The following LMBR1 variants were observed in gnomAD, a reference collection of about 807,000 sequenced individuals.
LMBR1 encodes limb region 1 protein homolog.
A neutral mutation model predicts 73.9 loss-of-function variants in LMBR1; 52 were observed. That is an observed-to-expected ratio of 0.70 (90% confidence interval 0.56 to 0.89). The LOEUF is 0.89. Among genes scored for constraint, LMBR1 ranks in the 40% least tolerant of loss-of-function variants. The probability of loss-of-function intolerance (pLI) is 0.00; values close to 1 mark genes in which losing one functional copy is unlikely to be tolerated. For synonymous variants in LMBR1, 215 were observed against 209.4 expected (o/e 1.03, Z -0.23); for missense variants, 539 against 579.8 (o/e 0.93, Z 0.72).
chr7:156,806,621 T>C (rs1223419218), intron 4 of LMBR1, among the ~76,000 whole-genome samples: 1 of 137,602 alleles, frequency 7.3e-6, no homozygotes, highest in Non-Finnish European at 1.6e-5. Context: ...TTTTTTTTTT[T>C]TTTTTTGAGA....
At position 156,751,316 on chromosome 7, in the gene LMBR1, G is replaced by A. The variant is rs994677179; in HGVS notation, c.757+5077C>T. Among the ~76,000 whole-genome samples the A allele has an allele frequency of 3.9e-5, 6 of 152,270 alleles. No individual in the cohort carries two copies. The East Asian group carries it at 5.8e-4, about 15-fold the overall frequency. Reference sequence around the variant, plus strand: ...ACTCCAGAGTGGGGGAAAGCTCCACGAAAGGGTATTTAGGTAAAGACCTGG... The same window carrying A: ...ACTCCAGAGTGGGGGAAAGCTCCACAAAAGGGTATTTAGGTAAAGACCTGG... On this transcript the variant is annotated intron_variant, in intron 9 of 16. Transcript: ENST00000353442.
chr7:156,805,656 A>G (rs1335962271), intron 4 of LMBR1, among the ~76,000 whole-genome samples: 2 of 152,218 alleles, frequency 1.3e-5, no homozygotes, highest in African/African-American at 4.8e-5. Flanking sequence ...TCAGCTTGTC[A>G]ATTTCTACAA....
chr7:156,731,572 T>C (rs911402172), intron 10 of LMBR1, among the ~76,000 whole-genome samples: 1 of 152,192 alleles, frequency 6.6e-6, no homozygotes, highest in African/African-American at 2.4e-5. Context: ...TAGAACAACA[T>C]CTTTCCAATG....
At position 156,826,714 on chromosome 7, in the gene LMBR1, C is replaced by G. The variant is rs1835763806; in HGVS notation, c.210G>C (p.Val70=). The change falls in exon 4 of 17, where the codon GTG becomes GTC. Residue 70 remains valine, a synonymous_variant. Coordinates refer to ENST00000353442, the MANE Select transcript of LMBR1 (RefSeq NM_022458.4). ...SLFLSTFTLA[V]SAGAVLLLPF... Reference sequence around the variant, plus strand: ...GTAAAAGCAAAACAGCCCCAGCTGACACTGCGAGAGTGAACGTGCTCAAAA... The same window carrying G: ...GTAAAAGCAAAACAGCCCCAGCTGAGACTGCGAGAGTGAACGTGCTCAAAA... 2 of 1,611,858 alleles carry G rather than the reference C, an allele frequency of 1.2e-6. No homozygotes were observed. The highest frequency in any genetic ancestry group is 1.7e-6 in the Non-Finnish European group (2 of 1,178,720).
At chr7:156,740,394 CAAG>C (rs1361815734) in intron 9 of LMBR1, among the ~76,000 whole-genome samples, 1 of 152,056 alleles carries the variant, frequency 6.6e-6, no homozygotes, top group African/African-American at 2.4e-5. Context: ...CATTTAAGAA[CAAG>C]AAGGTTATAG....
chr7:156,758,137 G>A lies in LMBR1; in HGVS notation c.685-1672C>T, dbSNP rs368136558. Among the ~76,000 whole-genome samples the A allele has an allele frequency of 2.6e-5, 4 of 152,270 alleles. No homozygotes were observed. The East Asian group carries it at 5.8e-4, about 22-fold the overall frequency. On this transcript the variant is annotated intron_variant, in intron 8 of 16. Coordinates refer to ENST00000353442, the MANE Select transcript of LMBR1 (RefSeq NM_022458.4). ...AAGTGCTGGAATGTGAGCTACTCCC[G>A]AGGAGAAAGAGTGGTACACGGAGAG...
At position 156,670,826 on chromosome 7, in the gene LMBR1, GA is replaced by G. The variant is rs1416884448; in HGVS notation, n.867-1540del. On this transcript the variant is annotated intron_variant and non_coding_transcript_variant, in intron 4 of 4. Transcript: ENST00000430825. The surrounding 1 kb of genome is among the most constrained non-coding windows in gnomAD (Gnocchi z 4.3). ...TGCCACTAGAACGTCTTCGTTAAAG[GA>G]AATTCTAAAGGATGCCTTGCATGAG... 1.3e-5 allele frequency among the ~76,000 whole-genome samples: 2 copies of G among 152,216 alleles called. No individual in the cohort carries two copies. The highest frequency in any genetic ancestry group is 4.1e-4 in the South Asian group (2 of 4,826).
At chr7:156,744,349 T>A (rs1433362268) in intron 9 of LMBR1, among the ~76,000 whole-genome samples, 1 of 152,132 alleles carries the variant, frequency 6.6e-6, no homozygotes, top group Non-Finnish European at 1.5e-5. Context: ...AGGGCTTTTT[T>A]TTTTTTCCAT....
chr7:156,728,081 A>G, intron 11 of LMBR1, 74 bp from the exon 12 acceptor site: 3 of 1,164,484 alleles, frequency 2.6e-6, no homozygotes, highest in Non-Finnish European at 2.5e-6. Context: ...TAGGTAACCA[A>G]ATACACGTTT....
chr7:156,856,109 G>A (rs371864306), intron 1 of LMBR1, among the ~76,000 whole-genome samples: 1 of 151,952 alleles, frequency 6.6e-6, no homozygotes, highest in African/African-American at 2.4e-5. Context: ...GCAGGAGAAT[G>A]GCGTGAACCT....
At chr7:156,734,958 T>C (rs1321561938) in intron 9 of LMBR1, among the ~76,000 whole-genome samples, 1 of 152,230 alleles carries the variant, frequency 6.6e-6, no homozygotes, top group Non-Finnish European at 1.5e-5. Flanking sequence ...TTTGCTTTCC[T>C]AGTCAATTAT....
chr7:156,711,820 C>T (rs555595267), intron 15 of LMBR1, among the ~76,000 whole-genome samples: 1 of 151,962 alleles, frequency 6.6e-6, no homozygotes, highest in Non-Finnish European at 1.5e-5. Flanking sequence ...GAAACTGGAC[C>T]CCTATCTCTC....
chr7:156,807,732 T>G (rs1177136463), intron 4 of LMBR1, among the ~76,000 whole-genome samples: 6 of 152,234 alleles, frequency 3.9e-5, no homozygotes, highest in African/African-American at 1.4e-4. Flanking sequence ...GCCTTTTTTC[T>G]GTTGTAATAC....
chr7:156,781,887 A>G (rs959059489), intron 5 of LMBR1, among the ~76,000 whole-genome samples: 1 of 152,230 alleles, frequency 6.6e-6, no homozygotes, highest in Non-Finnish European at 1.5e-5. Context: ...CAGTGGCATT[A>G]CTACATTCAC....
chr7:156,760,760 T>C (rs1227271878), intron 8 of LMBR1, among the ~76,000 whole-genome samples: 1 of 152,232 alleles, frequency 6.6e-6, no homozygotes, highest in Non-Finnish European at 1.5e-5. Flanking sequence ...CTTTAAAATA[T>C]AAAAATATTA....
intron 15 of LMBR1, among the ~76,000 whole-genome samples, chr7:156,718,327 G>A (rs1813687108): frequency 6.6e-6 from 1 of 151,574 alleles, no homozygotes; most frequent in South Asian, 2.1e-4. Context: ...TTGAACCCAG[G>A]AGGCAGAGGT....
chr7:156,761,664 A>G (rs1440988383), intron 8 of LMBR1, among the ~76,000 whole-genome samples: 1 of 152,158 alleles, frequency 6.6e-6, no homozygotes, highest in African/African-American at 2.4e-5. Flanking sequence ...TGGAAATTTA[A>G]CCAAAGTTCT....
chr7:156,788,019 C>T (rs1461463571), intron 5 of LMBR1, among the ~76,000 whole-genome samples: 3 of 152,230 alleles, frequency 2.0e-5, no homozygotes, highest in Non-Finnish European at 2.9e-5. Context: ...GGTAATCCAC[C>T]TGCCTTGGCC....
At chr7:156,823,266 GA>G (rs1187317288) in intron 4 of LMBR1, 2 of 151,742 alleles carry the variant, frequency 1.3e-5, no homozygotes. Flanking sequence ...TTCTACCCAT[GA>G]AAATGGAAAA....
Sources: allele counts gnomAD v4.1 joint callset (sites outside exome capture counted in the v4.1 genomes callset), GRCh38; gene constraint gnomAD v4.1.1; non-coding constraint Gnocchi (gnomAD v3.1); transcripts MANE v1.5; gene names NCBI Gene and HGNC (gene_info 2026-07-23, HGNC 2026-07-21).